CTNNA3: variants seen among roughly 807,000 people sequenced by gnomAD.
The protein encoded by CTNNA3 is catenin alpha-3.
In CTNNA3, 76 loss-of-function variants were observed where a neutral mutation model predicts 95.7. The ratio of observed to expected loss-of-function variants is 0.79; its 90% CI spans 0.66 to 0.96. CTNNA3 has a LOEUF of 0.96. Among genes scored for constraint, CTNNA3 ranks in the 40% least tolerant of loss-of-function variants. CTNNA3 has a pLI of 0.00. For synonymous variants in CTNNA3, 431 were observed against 374.4 expected, an observed-to-expected ratio of 1.15 and a Z score of -1.74; for missense variants, 1,191 against 1,089.8, an observed-to-expected ratio of 1.09 and a Z score of -1.31.
intron 16 of CTNNA3, among the ~76,000 whole-genome samples, chr10:65,975,059 A>G (rs1308223794): frequency 6.6e-6 from 1 of 152,166 alleles, no homozygotes; most frequent in Non-Finnish European, 1.5e-5. Flanking sequence ...TTATCGTCTT[A>G]TATTTTTTAA....
chr10:66,913,194 G>A (rs1189847156), intron 7 of CTNNA3, among the ~76,000 whole-genome samples: 2 of 121,254 alleles, frequency 1.6e-5, no homozygotes, highest in South Asian at 2.9e-4. Context: ...AGCCGAGATC[G>A]CGCCACTGCA....
chr10:67,265,952 G>A (rs1866807998), intron 5 of CTNNA3, among the ~76,000 whole-genome samples: 1 of 152,088 alleles, frequency 6.6e-6, no homozygotes, highest in South Asian at 2.1e-4. Flanking sequence ...CAATCGACAA[G>A]GCCTAGAAAC....
At chr10:66,804,075 T>C (rs1364184988) in intron 7 of CTNNA3, among the ~76,000 whole-genome samples, 1 of 151,756 alleles carries the variant, frequency 6.6e-6, no homozygotes, top group African/African-American at 2.4e-5. Context: ...TTACCTCTAC[T>C]AGGTGTCTAG....
chr10:67,470,504 G>A (rs1250065368), intron 5 of CTNNA3, among the ~76,000 whole-genome samples: 4 of 152,034 alleles, frequency 2.6e-5, no homozygotes, highest in Admixed American at 6.6e-5. Context: ...AGGTAAATAC[G>A]TTACTGAGTT....
chr10:67,232,607 G>A (rs981551572), intron 5 of CTNNA3, among the ~76,000 whole-genome samples: 50 of 150,854 alleles, frequency 3.3e-4, no homozygotes, highest in African/African-American at 9.0e-4. Context: ...ATCAACTAAC[G>A]AGCAAAATAA....
intron 1 of CTNNA3, among the ~76,000 whole-genome samples, chr10:67,715,432 G>C (rs889267552): frequency 6.6e-6 from 1 of 152,086 alleles, no homozygotes; most frequent in Admixed American, 6.6e-5. Flanking sequence ...CCAAATGATA[G>C]GGCTCAACCC....
chr10:66,912,795 A>C (rs1311988507), intron 7 of CTNNA3, among the ~76,000 whole-genome samples: 1 of 152,200 alleles, frequency 6.6e-6, no homozygotes, highest in Non-Finnish European at 1.5e-5. Flanking sequence ...AAAATTCATA[A>C]ATAAATGAAC....
At chr10:66,414,521 T>A (rs2093131556) in intron 11 of CTNNA3, among the ~76,000 whole-genome samples, 1 of 152,158 alleles carries the variant, frequency 6.6e-6, no homozygotes, top group South Asian at 2.1e-4. Flanking sequence ...TCTCAGGCCA[T>A]GAAACTAACA....
At chr10:67,376,841 A>C (rs1253814384) in intron 5 of CTNNA3, among the ~76,000 whole-genome samples, 2 of 152,204 alleles carry the variant, frequency 1.3e-5, no homozygotes, top group Non-Finnish European at 2.9e-5. Flanking sequence ...CTGCAGGAAA[A>C]GCCATTCCTA....
At chr10:66,572,895 A>C (rs1486697309) in intron 10 of CTNNA3, among the ~76,000 whole-genome samples, 1 of 152,150 alleles carries the variant, frequency 6.6e-6, no homozygotes, top group Non-Finnish European at 1.5e-5. Flanking sequence ...GCAAACAGAC[A>C]ATATTTGCAC....
intron 13 of CTNNA3, among the ~76,000 whole-genome samples, chr10:66,140,182 C>T (rs894692703): frequency 2.5e-4 from 38 of 152,146 alleles, no homozygotes; most frequent in Admixed American, 4.6e-4. Context: ...GAGAGAAAAC[C>T]TATTAGTTGT....
chr10:67,418,244 T>C (rs1845614133), intron 5 of CTNNA3, among the ~76,000 whole-genome samples: 1 of 152,210 alleles, frequency 6.6e-6, no homozygotes, highest in South Asian at 2.1e-4. Flanking sequence ...CAATTCACCT[T>C]GCACATTGTT....
chr10:66,399,243 T>C (rs1468588661), intron 11 of CTNNA3, among the ~76,000 whole-genome samples: 1 of 151,876 alleles, frequency 6.6e-6, no homozygotes, highest in East Asian at 1.9e-4. Context: ...ACTGTGAATA[T>C]TTTCTCAATG....
At chr10:66,013,534 A>T (rs1008944067) in intron 15 of CTNNA3, among the ~76,000 whole-genome samples, 2 of 152,158 alleles carry the variant, frequency 1.3e-5, no homozygotes, top group Non-Finnish European at 2.9e-5. Flanking sequence ...CACATCACAC[A>T]CTAGTATTTT....
chr10:66,027,276 T>C (rs1020888438), intron 15 of CTNNA3, among the ~76,000 whole-genome samples: 6 of 152,158 alleles, frequency 3.9e-5, no homozygotes, highest in African/African-American at 1.4e-4. Flanking sequence ...TAGTCACACA[T>C]ACTAGGGGCT....
intron 7 of CTNNA3, among the ~76,000 whole-genome samples, chr10:66,931,365 G>T (rs1847381531): frequency 6.6e-6 from 1 of 152,106 alleles, no homozygotes; most frequent in African/African-American, 2.4e-5. Context: ...TAGTTAAATA[G>T]TCCCAGTGCC....
At chr10:67,083,504 A>G (rs940629715) in intron 7 of CTNNA3, among the ~76,000 whole-genome samples, 8 of 152,166 alleles carry the variant, frequency 5.3e-5, no homozygotes, top group South Asian at 2.1e-4. Context: ...CATTTCAACA[A>G]TGTGCTAATT....
intron 3 of CTNNA3, among the ~76,000 whole-genome samples, chr10:67,563,264 A>G (rs1235447093): frequency 2.0e-5 from 3 of 152,218 alleles, no homozygotes; most frequent in Admixed American, 6.5e-5. Flanking sequence ...AGTAACCAAA[A>G]CAGCATGGTA....
In CTNNA3 at chr10:67,115,854, A is replaced by G. The variant is rs149693720; in HGVS notation, c.1047+64463T>C. 1.1e-3 allele frequency among the ~76,000 whole-genome samples: 163 copies of G among 151,868 alleles called. 1 individual carries two copies. Among genetic ancestry groups the G allele is most frequent in the African/African-American group, 3.8e-3 (157 of 41,452 alleles). On this transcript the variant is annotated intron_variant, in intron 7 of 17. Coordinates refer to ENST00000433211, the MANE Select transcript of CTNNA3 (RefSeq NM_013266.4). The stretch of plus-strand genomic sequence containing the variant: ...GTTTTGTAATGACATTTCATCTGAC[A>G]CTTCCTAGGCCAAATATTTAAATAG...
Sources: allele counts gnomAD v4.1 joint callset (sites outside exome capture counted in the v4.1 genomes callset), GRCh38; gene constraint gnomAD v4.1.1; transcripts MANE v1.5; gene names NCBI Gene and HGNC (gene_info 2026-07-23, HGNC 2026-07-21).